The following E2F3 variants were observed in gnomAD, a reference collection of about 807,000 sequenced individuals.
E2F3 encodes the protein transcription factor E2F3.
A neutral mutation model predicts 44.4 loss-of-function variants in E2F3; 11 were observed. The observed-to-expected ratio is 0.25, with a 90% CI of 0.16 to 0.41. E2F3 has a LOEUF of 0.41. Among genes scored for constraint, E2F3 ranks in the 10% least tolerant of loss-of-function variants. The pLI is 1.00. For synonymous variants in E2F3, 249 were observed against 253.0 expected, an observed-to-expected ratio of 0.98 and a Z score of 0.15; for missense variants, 487 against 583.6, an observed-to-expected ratio of 0.83 and a Z score of 1.70.
intron 1 of E2F3, chr6:20,421,680 G>C (rs1293929623): frequency 2.0e-5 from 3 of 152,230 alleles, no homozygotes; most frequent in African/African-American, 7.2e-5. Flanking sequence ...ATTTAACATA[G>C]TTCTTTTTTC....
rs1302155326 is a variant in E2F3 at position 20,457,212 on chromosome 6, T to C, written c.394-22634T>C. ...CTTTTTGAGAAGAAGTCTTACTCTG[T>C]TGCCCAGGCTGGAGTACAGTGGTCC... is the stretch of plus-strand genomic sequence containing the variant. On this transcript the variant is annotated intron_variant, in intron 1 of 6. Coordinates refer to ENST00000346618, the MANE Select transcript of E2F3 (RefSeq NM_001949.5). Among the ~76,000 whole-genome samples, 7 of 152,020 alleles carry C rather than the reference T, an allele frequency of 4.6e-5. No individual in the cohort carries two copies. The East Asian group carries it at 9.6e-4, about 21-fold the overall frequency.
chr6:20,476,227 C>T (rs997428912), intron 1 of E2F3, among the ~76,000 whole-genome samples: 16 of 152,050 alleles, frequency 1.1e-4, no homozygotes, highest in African/African-American at 3.4e-4. Context: ...AAAAATTAGC[C>T]GGGCGTGGTG....
In E2F3 at chr6:20,481,358, G is replaced by T; in HGVS notation, c.658G>T (p.Asp220Tyr). The T allele has an allele frequency of 6.2e-7, 1 of 1,614,080 alleles. No homozygotes were observed. The highest frequency in any genetic ancestry group is 8.5e-7 in the Non-Finnish European group (1 of 1,180,032). ...AAAAGTGCAAAAGAGAAGGATTTAT[G>T]ATATCACCAACGTTCTGGAAGGCAT... is the stretch of plus-strand genomic sequence containing the variant. ...VLKVQKRRIYDITNVLEGIHL... is the reference protein window; with the variant it reads ...VLKVQKRRIYYITNVLEGIHL... Residue 220 changes from aspartate to tyrosine, a missense_variant, in exon 3 of 7, where the codon GAT (aspartate) becomes TAT (tyrosine). Around this residue, in one of 3 missense-constraint regions of E2F3, gnomAD observed 29 missense variants for 85.9 expected, o/e 0.34. Transcript: ENST00000346618.
intron 1 of E2F3, among the ~76,000 whole-genome samples, chr6:20,408,409 T>G (rs747987141): frequency 1.3e-5 from 2 of 152,248 alleles, no homozygotes; most frequent in Non-Finnish European, 2.9e-5. Context: ...CTGTTCACAC[T>G]TGTTTCAAAC....
chr6:20,402,650 C>T lies in E2F3; in HGVS notation c.393+25C>T, dbSNP rs1759345947. ...GGTAATACCCTCCCTCCCCACCGTC[C>T]CCAGCCCCGGCGGGAGGTGGGCTCG... is the stretch of plus-strand genomic sequence containing the variant. On this transcript the variant is annotated intron_variant, in intron 1 of 6. Transcript: ENST00000346618. The surrounding 1 kb of genome is among the most constrained non-coding windows in gnomAD (Gnocchi z 5.6). The T allele has an allele frequency of 1.5e-6, 2 of 1,312,586 alleles. No individual in the cohort carries two copies. Among genetic ancestry groups the T allele is most frequent in the African/African-American group, 1.6e-5 (1 of 64,508 alleles). The allele number at this position is 1,312,586 out of a possible 1,614,324, so 81.3% of individuals were successfully genotyped here. A position where few individuals can be genotyped will look rare whatever the true frequency, so the allele number is the denominator to read the frequency against.
At chr6:20,444,193 A>T (rs150732171) in intron 1 of E2F3, among the ~76,000 whole-genome samples, 423 of 152,310 alleles carry the variant, frequency 2.8e-3, no homozygotes, top group African/African-American at 9.9e-3. Context: ...AGTCTTGAAA[A>T]ATAAATATAA....
At chr6:20,456,419 A>G (rs561944749) in intron 1 of E2F3, among the ~76,000 whole-genome samples, 8 of 152,134 alleles carry the variant, frequency 5.3e-5, no homozygotes, top group African/African-American at 1.9e-4. Context: ...TTCTTATTTT[A>G]TTCACCTTTA....
Position 20,491,602 on chromosome 6 carries a change from C to G in E2F3, c.*1172C>G, listed in dbSNP as rs1413311104. 1 of 198,700 alleles carries G rather than the reference C, an allele frequency of 5.0e-6. No homozygotes were observed. The highest frequency in any genetic ancestry group is 1.0e-5 in the Non-Finnish European group (1 of 95,934). 12.3% of individuals were successfully genotyped at this position (198,700 alleles called of 1,614,324 possible). On this transcript the variant is annotated 3_prime_UTR_variant, in exon 7 of 7. Transcript: ENST00000346618. Reference sequence around the variant, plus strand: ...GGCCCCTGTGACAGGGGAAAGGGCTCTCTTACACCGCACTCAGGGAGACCA... The same window carrying G: ...GGCCCCTGTGACAGGGGAAAGGGCTGTCTTACACCGCACTCAGGGAGACCA...
At chr6:20,424,210 G>GGTGTGTGTGTGTGTGT (rs57286350) in intron 1 of E2F3, among the ~76,000 whole-genome samples, 14 of 136,920 alleles carry the variant, frequency 1.0e-4, no homozygotes, top group African/African-American at 1.6e-4. Flanking sequence ...TCAGTGGAAG[G>GGTGTGTGTGTGTGTGT]GTGTGTGTGT....
chr6:20,426,132 C>T (rs1340872788), intron 1 of E2F3, among the ~76,000 whole-genome samples: 4 of 152,224 alleles, frequency 2.6e-5, no homozygotes, highest in Admixed American at 2.0e-4. Context: ...GGAAATACTA[C>T]ACCAGAATAT....
intron 1 of E2F3, among the ~76,000 whole-genome samples, chr6:20,449,549 A>G (rs1176546488): frequency 6.6e-6 from 1 of 152,160 alleles, no homozygotes; most frequent in East Asian, 1.9e-4. Flanking sequence ...GTAATTTCCT[A>G]TAAGGGGATC....
At chr6:20,424,070 G>A (rs1387322838) in intron 1 of E2F3, among the ~76,000 whole-genome samples, 3 of 152,118 alleles carry the variant, frequency 2.0e-5, no homozygotes, top group Non-Finnish European at 4.4e-5. Flanking sequence ...GCACACAGCC[G>A]AAATTACAGC....
At chr6:20,434,085 T>A (rs751054753) in intron 1 of E2F3, among the ~76,000 whole-genome samples, 7 of 152,344 alleles carry the variant, frequency 4.6e-5, no homozygotes, top group Admixed American at 6.5e-5. Context: ...CTTTGATGAT[T>A]GAGCAGAAAA....
Position 20,492,081 on chromosome 6 carries a change from T to C in E2F3, c.*1651T>C. On this transcript the variant is annotated 3_prime_UTR_variant, in exon 7 of 7. Coordinates refer to ENST00000346618, the MANE Select transcript of E2F3 (RefSeq NM_001949.5). ...CAGTTAAATTGAAATGCTATGTGCCTGACCCAATGGTAGGCACATAGTAGG... is the reference window on the plus strand; with the variant it reads ...CAGTTAAATTGAAATGCTATGTGCCCGACCCAATGGTAGGCACATAGTAGG... 1 of 207,800 alleles carries C rather than the reference T, an allele frequency of 4.8e-6. No individual in the cohort carries two copies. The highest frequency in any genetic ancestry group is 9.8e-6 in the Non-Finnish European group (1 of 101,820). The allele number at this position is 207,800 out of a possible 1,614,324, so 12.9% of individuals were successfully genotyped here.
intron 1 of E2F3, among the ~76,000 whole-genome samples, chr6:20,412,244 C>T (rs1036693421): frequency 3.9e-5 from 6 of 152,066 alleles, no homozygotes; most frequent in Admixed American, 6.6e-5. Context: ...GGGGAGGCCA[C>T]GGTTGTCAAT....
At chr6:20,425,835 C>T (rs1005490528) in intron 1 of E2F3, among the ~76,000 whole-genome samples, 3 of 152,220 alleles carry the variant, frequency 2.0e-5, no homozygotes, top group African/African-American at 7.2e-5. Context: ...AATTACCTAA[C>T]AGTTTGAGCC....
intron 1 of E2F3, among the ~76,000 whole-genome samples, chr6:20,446,222 T>C (rs533972286): frequency 6.6e-6 from 1 of 152,336 alleles, no homozygotes; most frequent in Non-Finnish European, 1.5e-5. Flanking sequence ...AATTGGTTAT[T>C]AGACGGGTTG....
rs1338311913 is a variant in E2F3 at position 20,491,675 on chromosome 6, C to A, written c.*1245C>A. On this transcript the variant is annotated 3_prime_UTR_variant, in exon 7 of 7. Transcript: ENST00000346618. Reference sequence around the variant, plus strand: ...GAGAGACCTCTAGGGAGAAAGACATCCCCATTGTGTGAGTGGCATTTCCTT... The same window carrying A: ...GAGAGACCTCTAGGGAGAAAGACATACCCATTGTGTGAGTGGCATTTCCTT... 5.4e-6 allele frequency: 1 copy of A among 185,636 alleles called. No individual in the cohort carries two copies. Among genetic ancestry groups the A allele is most frequent in the Non-Finnish European group, 1.1e-5 (1 of 87,462 alleles). 11.5% of individuals were successfully genotyped at this position (185,636 alleles called of 1,614,324 possible). A position where few individuals can be genotyped will look rare whatever the true frequency, so the allele number is the denominator to read the frequency against.
chr6:20,419,677 T>C (rs1451353822), intron 1 of E2F3, among the ~76,000 whole-genome samples: 1 of 150,800 alleles, frequency 6.6e-6, no homozygotes, highest in Non-Finnish European at 1.5e-5. Flanking sequence ...GCAATTCTCC[T>C]GCCTCAGCCT....
Sources: gnomAD v4.1 joint callset for allele counts (sites outside exome capture counted in the v4.1 genomes callset) on GRCh38, gnomAD v4.1.1 for gene constraint, gnomAD v4.1.1 regional missense constraint, Gnocchi (gnomAD v3.1) non-coding constraint, MANE v1.5 for transcripts, NCBI Gene and HGNC (gene_info 2026-07-23, HGNC 2026-07-21) for gene names.